The following MCCC1 variants were observed in gnomAD, a reference collection of about 807,000 sequenced individuals.
The protein encoded by MCCC1 is methylcrotonyl-CoA carboxylase subunit 1.
MCCC1 carries 64 observed loss-of-function variants against 83.8 expected under a neutral mutation model. That is an observed-to-expected ratio of 0.76 (90% confidence interval 0.62 to 0.94). The LOEUF (loss-of-function observed/expected upper bound fraction) is 0.94, where lower values mean the gene tolerates loss of function less well. Among genes scored for constraint, MCCC1 ranks in the 40% least tolerant of loss-of-function variants. The pLI, the probability that MCCC1 is intolerant of heterozygous loss-of-function variation, is 0.00. For missense variants in MCCC1, 807 were observed against 904.7 expected (o/e 0.89, Z 1.39); for synonymous variants, 322 against 315.4 (o/e 1.02, Z -0.22).
chr3:183,060,838 T>G (rs1190257963), intron 7 of MCCC1, among the ~76,000 whole-genome samples: 1 of 151,088 alleles, frequency 6.6e-6, no homozygotes, highest in East Asian at 1.9e-4. Context: ...CGTTTTTTTG[T>G]CCTTGCGACA....
Position 183,057,361 on chromosome 3 carries a change from C to A in MCCC1, c.823G>T (p.Asp275Tyr). 6.2e-7 allele frequency: 1 copy of A among 1,611,044 alleles called. No homozygotes were observed. The highest frequency in any genetic ancestry group is 8.5e-7 in the Non-Finnish European group (1 of 1,178,402). ...HGNAVYLFER[D>Y]CSVQRRHQKI... The stretch of plus-strand genomic sequence containing the variant: ...TGATGTCGCCTCTGCACACTACAGT[C>A]TCTTTCAAACAAGTACACAGCATTG... The change falls in exon 8 of 19, where the codon GAC (aspartate) becomes TAC (tyrosine). Residue 275 changes from aspartate (D) to tyrosine (Y), a missense_variant. Asp to Tyr is a radical substitution (Grantham distance 160). Transcript: ENST00000265594.
At chr3:183,052,018 C>T (rs531100084) in intron 9 of MCCC1, 141 bp downstream of exon 9, 2 of 725,814 alleles carry the variant, frequency 2.8e-6, no homozygotes, top group African/African-American at 1.8e-5. Context: ...TACTAAGTCT[C>T]AATATAAAAT....
chr3:183,046,586 G>A (rs936451491), intron 9 of MCCC1, among the ~76,000 whole-genome samples: 5 of 152,010 alleles, frequency 3.3e-5, no homozygotes, highest in Admixed American at 2.6e-4. Flanking sequence ...TTTTAGTAGA[G>A]ATGGGGTTTC....
At chr3:183,102,017 G>A (rs542535752), upstream of MCCC1, among the ~76,000 whole-genome samples, 9 of 152,204 alleles carry the variant, frequency 5.9e-5, no homozygotes, top group African/African-American at 1.7e-4. Context: ...CTCCAGACGC[G>A]CCGCCTTAAG....
Position 183,099,403 on chromosome 3 carries a change from G to A in MCCC1, c.38C>T (p.Ala13Val), listed in dbSNP as rs757154849. The A allele has an allele frequency of 3.7e-6, 6 of 1,605,984 alleles. 1 individual carries two copies. The South Asian group carries it at 6.7e-5, about 18-fold the overall frequency. Residue 13 changes from alanine (A) to valine (V), a missense_variant, in exon 1 of 19, where the codon GCG becomes GTG. Physicochemically the swap from Ala to Val is moderately conservative, Grantham distance 64. Coordinates refer to ENST00000265594, the MANE Select transcript of MCCC1 (RefSeq NM_020166.5). ...ACGATGCCACCGGTTCCTCTCCGCC[G>A]CCACCAGCAGCACCGACACCGCAGA... ...AASAVSVLLV[A>V]AERNRWHRLP...
intron 13 of MCCC1, among the ~76,000 whole-genome samples, chr3:183,036,891 T>C (rs1560218930): frequency 6.6e-6 from 1 of 152,044 alleles, no homozygotes; most frequent in Non-Finnish European, 1.5e-5. Context: ...GCCAGGATGG[T>C]CTTGATCTCC....
chr3:183,040,556 C>CAAAAAAAAAAAAA (rs59767617), intron 11 of MCCC1, among the ~76,000 whole-genome samples: 12 of 112,494 alleles, frequency 1.1e-4, no homozygotes, highest in South Asian at 3.0e-4. Flanking sequence ...ACTAAAAATA[C>CAAAAAAAAAAAAA]AAAAAAAAAA....
At chr3:183,069,938 GTGC>G (rs1201213623) in intron 7 of MCCC1, among the ~76,000 whole-genome samples, 1 of 152,190 alleles carries the variant, frequency 6.6e-6, no homozygotes, top group Non-Finnish European at 1.5e-5. Flanking sequence ...TGGAGTCAAA[GTGC>G]CTGGGTTCAA....
chr3:183,036,772 A>C (rs1051760457), intron 13 of MCCC1, among the ~76,000 whole-genome samples: 6 of 151,928 alleles, frequency 3.9e-5, no homozygotes, highest in African/African-American at 1.5e-4. Context: ...ATCTCCTGAC[A>C]TCATGATCCG....
intron 1 of MCCC1, among the ~76,000 whole-genome samples, chr3:183,097,380 T>G (rs771012209): frequency 7.2e-5 from 11 of 152,244 alleles, no homozygotes; most frequent in Non-Finnish European, 1.5e-4. Context: ...TAATGTAAAC[T>G]ATCTGTGCTG....
chr3:183,108,506 G>A (rs978559051), intron 1 of MCCC1, among the ~76,000 whole-genome samples: 3 of 152,090 alleles, frequency 2.0e-5, no homozygotes, highest in African/African-American at 7.2e-5. Context: ...TCTCCGAGAG[G>A]TAGAATTGTG....
At chr3:183,115,544 G>A (rs1719574344) in exon 1 of MCCC1, 1 of 152,268 alleles carries the variant, frequency 6.6e-6, no homozygotes, top group Admixed American at 6.6e-5. Flanking sequence ...CCCTACTTAT[G>A]TTACCAGAGA....
rs146747910 is a variant in MCCC1, at chr3:183,038,939, G to A, written c.1377+87C>T. On this transcript the variant is annotated intron_variant, in intron 12 of 18. Coordinates refer to ENST00000265594, the MANE Select transcript of MCCC1 (RefSeq NM_020166.5). The stretch of plus-strand genomic sequence containing the variant: ...TGATGGAAATAGAAAATATGCTGAC[G>A]AGACCAAGGCCCTGCCAAAGACAAA... 148 of 1,189,030 alleles carry A rather than the reference G, an allele frequency of 1.2e-4. No individual in the cohort carries two copies. The East Asian group carries it at 2.5e-3, about 20-fold the overall frequency. The allele number at this position is 1,189,030 out of a possible 1,614,324, so 73.7% of individuals were successfully genotyped here.
intron 3 of MCCC1, among the ~76,000 whole-genome samples, chr3:183,092,111 T>C (rs1237749326): frequency 2.0e-5 from 3 of 152,114 alleles, no homozygotes; most frequent in Non-Finnish European, 4.4e-5. Flanking sequence ...ATACGGAATC[T>C]GGACATGAGC....
chr3:183,055,300 A>AC (rs1286596358), intron 8 of MCCC1, among the ~76,000 whole-genome samples: 7 of 151,866 alleles, frequency 4.6e-5, no homozygotes, highest in Admixed American at 2.0e-4. Context: ...AATCCCAGCT[A>AC]CTTGGGAGGC....
intron 8 of MCCC1, among the ~76,000 whole-genome samples, chr3:183,056,070 A>C (rs1322190920): frequency 1.3e-5 from 2 of 152,190 alleles, no homozygotes; most frequent in African/African-American, 4.8e-5. Context: ...GTATGTCTAG[A>C]AGTAAACAAA....
intron 4 of MCCC1, among the ~76,000 whole-genome samples, chr3:183,079,169 A>G (rs895245574): frequency 2.0e-5 from 3 of 152,156 alleles, no homozygotes; most frequent in African/African-American, 7.2e-5. Context: ...ACATTTTGAA[A>G]CCAATCATGC....
chr3:183,045,543 A>G lies in MCCC1; in HGVS notation c.956-3T>C. 6.2e-7 allele frequency: 1 copy of G among 1,613,696 alleles called. No individual in the cohort carries two copies. Among genetic ancestry groups the G allele is most frequent in the Non-Finnish European group, 8.5e-7 (1 of 1,179,698 alleles). On this transcript the variant is annotated splice_polypyrimidine_tract_variant and splice_region_variant and intron_variant, in intron 9 of 18. Transcript: ENST00000265594. ...GTCCATAATAAACTCCACAGTCCCT[A>G]AAAGGTAAAAAACAATGGTCATATT...
intron 13 of MCCC1, among the ~76,000 whole-genome samples, chr3:183,034,588 C>T (rs972664130): frequency 6.6e-6 from 1 of 151,688 alleles, no homozygotes; most frequent in Non-Finnish European, 1.5e-5. Context: ...ATTCTAGCTT[C>T]TATTGAAGAA....
Sources: allele counts gnomAD v4.1 joint callset (sites outside exome capture counted in the v4.1 genomes callset), GRCh38; gene constraint gnomAD v4.1.1; transcripts MANE v1.5; gene names NCBI Gene and HGNC (gene_info 2026-07-23, HGNC 2026-07-21).